The following PRDM15 variants were observed in gnomAD, a reference collection of about 807,000 sequenced individuals.
PRDM15 encodes PR domain zinc finger protein 15.
PRDM15 carries 64 observed loss-of-function variants against 128.6 expected under a neutral mutation model. That is an observed-to-expected ratio of 0.50 (90% CI 0.41 to 0.61). The LOEUF (loss-of-function observed/expected upper bound fraction) is 0.61. Ranked by LOEUF, PRDM15 falls within the 20% of genes least tolerant of loss-of-function variation. The pLI, the probability that PRDM15 is intolerant of heterozygous loss-of-function variation, is 0.00. For synonymous variants in PRDM15, 615 were observed against 621.8 expected (o/e 0.99, Z 0.16); for missense variants, 1,242 against 1,569.1 (o/e 0.79, Z 3.52).
intron 2 of PRDM15, among the ~76,000 whole-genome samples, 153 bp downstream of exon 2, chr21:41,860,174 A>G (rs2145910689): frequency 6.6e-6 from 1 of 152,330 alleles, no homozygotes; most frequent in South Asian, 2.1e-4. Context: ...TATTAAATAA[A>G]TGTTTCATAG....
At position 41,828,147 on chromosome 21, in the gene PRDM15, G is replaced by T. The variant is rs1433451610; in HGVS notation, c.1534+19C>A. 2 of 1,611,782 alleles carry T rather than the reference G, an allele frequency of 1.2e-6. No homozygotes were observed. Among genetic ancestry groups the T allele is most frequent in the East Asian group, 4.5e-5 (2 of 44,846 alleles). ...GAGCTGCCTCTCCCCGCCCGCAGCA[G>T]GTGCGCAGGCGGCCTCACCTTCCAG... On this transcript the variant is annotated intron_variant, in intron 12 of 23. Coordinates refer to ENST00000398548, the MANE Select transcript of PRDM15 (RefSeq NM_001040424.3). This position sits in a 1 kb window ranked among gnomAD's most constrained non-coding sequence, Gnocchi z 5.7.
At chr21:41,830,915 C>T (rs1308128979) in intron 11 of PRDM15, among the ~76,000 whole-genome samples, 1 of 152,204 alleles carries the variant, frequency 6.6e-6, no homozygotes, top group Non-Finnish European at 1.5e-5. Flanking sequence ...CTGCCCAGTC[C>T]CTCACCCTGC....
intron 13 of PRDM15, among the ~76,000 whole-genome samples, chr21:41,824,081 C>A (rs2062381143): frequency 6.6e-6 from 1 of 152,218 alleles, no homozygotes. Context: ...AACCCCAGCG[C>A]TCCACAGAAC....
At position 41,808,073 on chromosome 21, in the gene PRDM15, C is replaced by T. The variant is rs758228247; in HGVS notation, c.2652+2081G>A. 4.6e-5 allele frequency among the ~76,000 whole-genome samples: 7 copies of T among 152,276 alleles called. No homozygotes were observed. In the East Asian group the frequency reaches 5.8e-4, roughly 13 times the overall value. ...CACCCAGCTATGTATATCAAAACTC[C>T]GGTGTACAAAAGTGATGTGCACCGT... On this transcript the variant is annotated intron_variant, in intron 21 of 23. Transcript: ENST00000398548.
intron 21 of PRDM15, among the ~76,000 whole-genome samples, chr21:41,805,907 C>T (rs1277905638): frequency 1.3e-5 from 2 of 151,420 alleles, no homozygotes; most frequent in African/African-American, 2.4e-5. Flanking sequence ...TTACCCTCAT[C>T]ACCACCAACA....
chr21:41,876,293 A>G (rs150254605), intron 1 of PRDM15, among the ~76,000 whole-genome samples: 223 of 152,334 alleles, frequency 1.5e-3, no homozygotes, highest in African/African-American at 4.9e-3. Flanking sequence ...TTCACATAGC[A>G]TGGACAAATG....
At chr21:41,831,022 C>T (rs1449404491) in intron 11 of PRDM15, among the ~76,000 whole-genome samples, 4 of 152,256 alleles carry the variant, frequency 2.6e-5, no homozygotes, top group Admixed American at 6.5e-5. Context: ...ATTCTCCTCC[C>T]TGTGTCGCCA....
intron 11 of PRDM15, among the ~76,000 whole-genome samples, chr21:41,835,028 G>A (rs1224896412): frequency 6.6e-6 from 1 of 152,152 alleles, no homozygotes; most frequent in Non-Finnish European, 1.5e-5. Context: ...GAGGGCTCGC[G>A]GTTAGGAACA....
chr21:41,816,639 C>T (rs919881057), intron 18 of PRDM15, among the ~76,000 whole-genome samples: 1 of 152,200 alleles, frequency 6.6e-6, no homozygotes, highest in African/African-American at 2.4e-5. Context: ...CCTGTGATTC[C>T]ACCCTCACCA....
At chr21:41,817,940 A>G (rs1312003243) in intron 18 of PRDM15, among the ~76,000 whole-genome samples, 1 of 152,264 alleles carries the variant, frequency 6.6e-6, no homozygotes, top group East Asian at 1.9e-4. Context: ...TGTCTACAAC[A>G]TTATAAAATG....
In PRDM15 at chr21:41,800,859, C is replaced by T. The variant is rs2061398054; in HGVS notation, c.*381G>A. ...CTCTAAAAGAAAAAAGAAAATGAAC[C>T]ATTTGTGTTCCTAATAACTTATCTC... On this transcript the variant is annotated 3_prime_UTR_variant, in exon 24 of 24. Coordinates refer to ENST00000398548, the MANE Select transcript of PRDM15 (RefSeq NM_001040424.3). 1 of 194,120 alleles carries T rather than the reference C, an allele frequency of 5.2e-6. No individual in the cohort carries two copies. The highest frequency in any genetic ancestry group is 2.3e-5 in the African/African-American group (1 of 43,122). The allele number at this position is 194,120 out of a possible 1,614,324, so 12.0% of individuals were successfully genotyped here. A position where few individuals can be genotyped will look rare whatever the true frequency, so the allele number is the denominator to read the frequency against.
chr21:41,868,694 CTT>C (rs55653735), intron 1 of PRDM15, among the ~76,000 whole-genome samples: 9 of 125,142 alleles, frequency 7.2e-5, no homozygotes, highest in Admixed American at 8.7e-5. Flanking sequence ...TTTTCTTTTT[CTT>C]TTTTTTTTTT....
At position 41,801,202 on chromosome 21, in the gene PRDM15, C is replaced by T. The variant is rs2061405262; in HGVS notation, c.*38G>A. ...CACATCTAAACAAATCCCAAACATC[C>T]CTCTGCAGTTCTTGCCCCGAGTCTC... On this transcript the variant is annotated 3_prime_UTR_variant, in exon 24 of 24. Coordinates refer to ENST00000398548, the MANE Select transcript of PRDM15 (RefSeq NM_001040424.3). The T allele has an allele frequency of 2.0e-6, 3 of 1,502,582 alleles. No homozygotes were observed. The highest frequency in any genetic ancestry group is 2.7e-6 in the Non-Finnish European group (3 of 1,131,922). 93.1% of individuals were successfully genotyped at this position (1,502,582 alleles called of 1,614,324 possible).
chr21:41,805,330 G>A (rs4919919), intron 21 of PRDM15, among the ~76,000 whole-genome samples: 101,790 of 152,174 alleles, frequency 0.67, 35,162 homozygotes, highest in African/African-American at 0.85. Flanking sequence ...GGGAGGGGCT[G>A]CAAAACAAAA....
At position 41,815,821 on chromosome 21, in the gene PRDM15, T is replaced by C; in HGVS notation, c.2276A>G (p.His759Arg). The C allele has an allele frequency of 6.2e-7, 1 of 1,613,696 alleles. No individual in the cohort carries two copies. The highest frequency in any genetic ancestry group is 8.5e-7 in the Non-Finnish European group (1 of 1,179,928). The change falls in exon 19 of 24, where the codon CAC becomes CGC. Residue 759 changes from histidine to arginine, a missense_variant. His to Arg is a conservative substitution (Grantham distance 29). Around this residue, in one of 3 missense-constraint regions of PRDM15, gnomAD observed 602 missense variants for 788.3 expected, o/e 0.76. Transcript: ENST00000398548. ...CAGCTTCATGTGGTGGCGCAGCGCG[T>C]GCTTGGTCTTCATGCCTTCAAGGAC... ...AECGKGMKTK[H>R]ALRHHMKLHK...
chr21:41,853,120 T>C (rs2063479224), intron 5 of PRDM15, among the ~76,000 whole-genome samples: 2 of 152,192 alleles, frequency 1.3e-5, no homozygotes, highest in Non-Finnish European at 2.9e-5. Context: ...CCTCCAGCAC[T>C]GCGGGAGGCA....
At chr21:41,816,993 T>C (rs76261674) in intron 18 of PRDM15, among the ~76,000 whole-genome samples, 3,458 of 151,530 alleles carry the variant, frequency 0.023, 136 homozygotes, top group African/African-American at 0.079. Flanking sequence ...ATTTCAAAAC[T>C]AATACACAGT....
chr21:41,851,282 C>T (rs1389220031), intron 5 of PRDM15, among the ~76,000 whole-genome samples: 1 of 152,228 alleles, frequency 6.6e-6, no homozygotes, highest in African/African-American at 2.4e-5. Context: ...ACTGGGCAAG[C>T]GGCCAGCTTT....
chr21:41,834,369 G>C (rs1347313287), intron 11 of PRDM15: 66 of 762,228 alleles, frequency 8.7e-5, no homozygotes, highest in Non-Finnish European at 1.1e-5. Flanking sequence ...CCTGGTCAGA[G>C]CCCCTGGGAG....
Sources: allele counts gnomAD v4.1 joint callset (sites outside exome capture counted in the v4.1 genomes callset), GRCh38; gene constraint gnomAD v4.1.1; regional missense constraint gnomAD v4.1.1; non-coding constraint Gnocchi (gnomAD v3.1); transcripts MANE v1.5; gene names NCBI Gene and HGNC (gene_info 2026-07-23, HGNC 2026-07-21).